PHPT1: variants seen among roughly 807,000 people sequenced by gnomAD.
PHPT1 encodes phosphohistidine phosphatase 1.
A neutral mutation model predicts 15.6 loss-of-function variants in PHPT1; 16 were observed. The observed-to-expected ratio is 1.03, with a 90% CI of 0.70 to 1.56. PHPT1 has a LOEUF of 1.56. Among genes scored for constraint, PHPT1 ranks in the 40% most tolerant of loss-of-function variants. The pLI, the probability that PHPT1 is intolerant of heterozygous loss-of-function variation, is 0.00. For missense variants in PHPT1, 228 were observed against 171.0 expected (o/e 1.33, Z -1.86); for synonymous variants, 102 against 68.1 (o/e 1.50, Z -2.45).
intron 2 of PHPT1, 128 bp downstream of exon 2, chr9:136,850,265 C>G: frequency 8.1e-7 from 1 of 1,233,990 alleles, no homozygotes; most frequent in Non-Finnish European, 1.2e-6. Flanking sequence ...CCAGGGTCGG[C>G]GGCAGAGCCC....
At position 136,849,486 on chromosome 9, in the gene PHPT1, T is replaced by C; in HGVS notation, c.56T>C (p.Val19Ala). The change falls in exon 1 of 3, where the codon GTC (valine) becomes GCC (alanine). Residue 19 changes from valine (V) to alanine (A), a missense_variant. Coordinates refer to ENST00000247665, the MANE Select transcript of PHPT1 (RefSeq NM_014172.6). ...GATGTGGACATCGACTCCGACGGCG[T>C]CTTCAAGTATGTGCTGATCCGAGTC... The part of the protein sequence containing the change: ...IPDVDIDSDG[V>A]FKYVLIRVHS... 1 of 1,611,456 alleles carries C rather than the reference T, an allele frequency of 6.2e-7. No individual in the cohort carries two copies. Among genetic ancestry groups the C allele is most frequent in the Non-Finnish European group, 8.5e-7 (1 of 1,179,346 alleles).
intron 1 of PHPT1, 150 bp downstream of exon 1, chr9:136,849,740 G>T (rs1848857837): frequency 6.1e-6 from 5 of 821,374 alleles, no homozygotes; most frequent in Non-Finnish European, 8.9e-6. Flanking sequence ...TCTGCTCCGA[G>T]TCCTGCCCCT....
Position 136,849,553 on chromosome 9 carries a change from G to C in PHPT1, c.123G>C (p.Lys41Asn). ...PRSGAPAAES[K>N]EIVRGYKWAE... ...CCGGGGCTCCGGCTGCAGAGAGCAA[G>C]GAGATCGTGCGCGGCTACAAGTGGG... The change falls in exon 1 of 3, where the codon AAG (lysine) becomes AAC (asparagine). Residue 41 changes from lysine to asparagine, a missense_variant. Physicochemically the swap from Lys to Asn is moderately conservative, Grantham distance 94 (BLOSUM62 0). Coordinates refer to ENST00000247665, the MANE Select transcript of PHPT1 (RefSeq NM_014172.6). The C allele has an allele frequency of 6.2e-7, 1 of 1,608,990 alleles. No homozygotes were observed. The highest frequency in any genetic ancestry group is 8.5e-7 in the Non-Finnish European group (1 of 1,178,932).
At chr9:136,850,673 T>TGTGGCTG in intron 2 of PHPT1, 82 bp from the exon 3 acceptor site, 1 of 1,490,568 alleles carries the variant, frequency 6.7e-7, no homozygotes, top group Non-Finnish European at 9.3e-7. Context: ...TCGCTTCTGG[T>TGTGGCTG]GTGGCTGGTG....
In PHPT1 at chr9:136,850,739, G is replaced by C. The variant is rs374428973; in HGVS notation, c.286-16G>C. ...AAGGGTCCAGGTAGTGCCAGCAGGC[G>C]TCTTCTCTTCTCCAGGCCTATGGTC... On this transcript the variant is annotated splice_polypyrimidine_tract_variant and intron_variant, in intron 2 of 2. Transcript: ENST00000247665. 1 of 1,606,982 alleles carries C rather than the reference G, an allele frequency of 6.2e-7. No homozygotes were observed. The highest frequency in any genetic ancestry group is 8.5e-7 in the Non-Finnish European group (1 of 1,174,438).
Position 136,850,969 on chromosome 9 carries a change from C to T in PHPT1, c.*122C>T, listed in dbSNP as rs1293532217. ...CGGCAGCCTCTGGTGACGTGCTGTC[C>T]ACCAGGCCTTGGAGACAGGCTAGCC... is the stretch of plus-strand genomic sequence containing the variant. On this transcript the variant is annotated 3_prime_UTR_variant, in exon 3 of 3. Transcript: ENST00000247665. The T allele has an allele frequency of 8.7e-6, 7 of 805,822 alleles. No homozygotes were observed. Among genetic ancestry groups the T allele is most frequent in the Non-Finnish European group, 4.4e-6 (2 of 451,270 alleles). 49.9% of individuals were successfully genotyped at this position (805,822 alleles called of 1,614,324 possible). A position where few individuals can be genotyped will look rare whatever the true frequency, so the allele number is the denominator to read the frequency against.
intron 1 of PHPT1, 70 bp from the exon 2 acceptor site, chr9:136,849,943 C>A (rs1332903708): frequency 2.6e-6 from 4 of 1,517,324 alleles, no homozygotes; most frequent in East Asian, 4.5e-5. Context: ...CAGACCCCTT[C>A]GGCTGGGAGT....
intron 1 of PHPT1, 78 bp downstream of exon 1, chr9:136,849,668 TGACGA>T: frequency 3.1e-6 from 1 of 317,902 alleles, no homozygotes; most frequent in African/African-American, 4.3e-5. Context: ...GAGACGGGGC[TGACGA>T]GGCAGGGGCG....
chr9:136,850,775 C>T lies in PHPT1; in HGVS notation c.306C>T (p.His102=), dbSNP rs146703596. ...GYSMAYGPAQ[H]AISTEKIKAK... ...TCCAGGCCTATGGTCCTGCCCAGCA[C>T]GCCATTTCAACTGAGAAAATCAAAG... Residue 102 remains histidine, a synonymous_variant, in exon 3 of 3, where the codon CAC becomes CAT. Coordinates refer to ENST00000247665, the MANE Select transcript of PHPT1 (RefSeq NM_014172.6). 73 of 1,613,078 alleles carry T rather than the reference C, an allele frequency of 4.5e-5. No individual in the cohort carries two copies. The highest frequency in any genetic ancestry group is 3.6e-4 in the African/African-American group (27 of 74,938).
chr9:136,850,589 C>A (rs1344428997), intron 2 of PHPT1, 166 bp from the exon 3 acceptor site: 1 of 1,603,726 alleles, frequency 6.2e-7, no homozygotes. Context: ...GTCGCCTCTC[C>A]CCAGGGGAGC....
At chr9:136,850,235 G>A in intron 2 of PHPT1, 98 bp downstream of exon 2, 1 of 1,517,586 alleles carries the variant, frequency 6.6e-7, no homozygotes, top group South Asian at 1.1e-5. Context: ...AGCTGAGCAC[G>A]CAGGCTTCCT....
intron 2 of PHPT1, 123 bp downstream of exon 2, chr9:136,850,260 G>A: frequency 1.5e-6 from 2 of 1,318,082 alleles, no homozygotes; most frequent in Non-Finnish European, 1.1e-6. Flanking sequence ...TTCTCCCAGG[G>A]TCGGCGGCAG....
At chr9:136,850,266 G>A (rs541247055) in intron 2 of PHPT1, 129 bp downstream of exon 2, 4 of 1,238,292 alleles carry the variant, frequency 3.2e-6, no homozygotes, top group African/African-American at 3.0e-5. Context: ...CAGGGTCGGC[G>A]GCAGAGCCCT....
chr9:136,849,646 G>GA (rs1848853390), intron 1 of PHPT1, 56 bp downstream of exon 1: 1 of 1,371,172 alleles, frequency 7.3e-7, no homozygotes. Flanking sequence ...CGGGGGCGGG[G>GA]CTGGCGGGAC....
intron 2 of PHPT1, chr9:136,850,526 T>C: frequency 1.2e-6 from 2 of 1,612,028 alleles, no homozygotes; most frequent in Non-Finnish European, 8.5e-7. Context: ...CGTGCGTCCC[T>C]CTGGGCGCCT....
chr9:136,849,479 G>A lies in PHPT1; in HGVS notation c.49G>A (p.Asp17Asn). Residue 17 changes from aspartate (D) to asparagine (N), a missense_variant, in exon 1 of 3, where the codon GAC becomes AAC. Physicochemically the swap from Asp to Asn is conservative, Grantham distance 23. Coordinates refer to ENST00000247665, the MANE Select transcript of PHPT1 (RefSeq NM_014172.6). The stretch of plus-strand genomic sequence containing the variant: ...CATTCCTGATGTGGACATCGACTCC[G>A]ACGGCGTCTTCAAGTATGTGCTGAT... ...ALIPDVDIDS[D>N]GVFKYVLIRV... 6.2e-7 allele frequency: 1 copy of A among 1,611,426 alleles called. No homozygotes were observed. Among genetic ancestry groups the A allele is most frequent in the Non-Finnish European group, 8.5e-7 (1 of 1,179,336 alleles).
chr9:136,849,929 AT>A (rs887655544), intron 1 of PHPT1, 83 bp from the exon 2 acceptor site: 1 of 1,418,410 alleles, frequency 7.1e-7, no homozygotes, highest in African/African-American at 1.4e-5. Context: ...CAGAGCTGGG[AT>A]TTCAGACCCC....
chr9:136,850,015 G>C lies in PHPT1; in HGVS notation c.163G>C (p.Asp55His), dbSNP rs779920881. ...RGYKWAEYHA[D>H]IYDKVSGDMQ... ...CTGAGGCCGCCCTCCCATCCCAGCG[G>C]ACATCTACGACAAAGTGTCGGGCGA... The change falls in exon 2 of 3, where the codon GAC (aspartate) becomes CAC (histidine). Residue 55 changes from aspartate to histidine, a missense_variant and splice_region_variant. Physicochemically the swap from Asp to His is moderately conservative, Grantham distance 81. Coordinates refer to ENST00000247665, the MANE Select transcript of PHPT1 (RefSeq NM_014172.6). The C allele has an allele frequency of 6.2e-7, 1 of 1,611,468 alleles. No homozygotes were observed. The highest frequency in any genetic ancestry group is 8.5e-7 in the Non-Finnish European group (1 of 1,179,008).
At chr9:136,850,274 C>T (rs1352115092) in intron 2 of PHPT1, 137 bp downstream of exon 2, 2 of 1,173,324 alleles carry the variant, frequency 1.7e-6, no homozygotes, top group South Asian at 2.7e-5. Flanking sequence ...GCGGCAGAGC[C>T]CTCCCTCCAG....
Sources: allele counts gnomAD v4.1 joint callset, GRCh38; gene constraint gnomAD v4.1.1; transcripts MANE v1.5; gene names NCBI Gene and HGNC (gene_info 2026-07-23, HGNC 2026-07-21).